The following CUX1 variants were observed in gnomAD, a reference collection of about 807,000 sequenced individuals.
The protein encoded by CUX1 is protein CASP.
CUX1 carries 31 observed loss-of-function variants against 158.8 expected under a neutral mutation model. The ratio of observed to expected loss-of-function variants is 0.20; its 90% confidence interval spans 0.15 to 0.26. The LOEUF is 0.26. Among genes scored for constraint, CUX1 ranks in the 10% least tolerant of loss-of-function variants. The pLI is 1.00. For missense variants in CUX1, 1,589 were observed against 2,014.6 expected (o/e 0.79, Z 4.04); for synonymous variants, 879 against 862.1 (o/e 1.02, Z -0.34).
chr7:101,829,723 C>T (rs767929008), intron 1 of CUX1, among the ~76,000 whole-genome samples: 30 of 152,000 alleles, frequency 2.0e-4, no homozygotes, highest in Non-Finnish European at 3.7e-4. Flanking sequence ...TTCTCAGGGA[C>T]GCCTGGCTGG....
chr7:102,057,914 T>C (rs867323570), intron 3 of CUX1, among the ~76,000 whole-genome samples: 3 of 152,206 alleles, frequency 2.0e-5, no homozygotes, highest in Non-Finnish European at 4.4e-5. Context: ...CAGCAATGCA[T>C]GATACACAGA....
chr7:102,273,346 A>T, intron 14 of CUX1: 5 of 1,609,318 alleles, frequency 3.1e-6, no homozygotes, highest in Non-Finnish European at 4.2e-6. Context: ...TCTGACGGCC[A>T]TGTCTTCCTT....
rs10655613 is a variant in CUX1, at chr7:102,034,145, CAAAAAAAAAAA to C, written c.189+6012_189+6022del. Among the ~76,000 whole-genome samples the C allele has an allele frequency of 3.7e-4, 18 of 48,618 alleles. No homozygotes were observed. The East Asian group carries it at 4.4e-3, about 12-fold the overall frequency. 31.9% of individuals were successfully genotyped at this position (48,618 alleles called of 152,430 possible). On this transcript the variant is annotated intron_variant, in intron 3 of 23. Coordinates refer to ENST00000292535, the MANE Select transcript of CUX1 (RefSeq NM_181552.4). ...CAGGTGACAGAGCGAGACTCCATCTCAAAAAAAAAAAAAAAAAAAAAAGTCAGTCTTATTAT... is the reference window on the plus strand; with the variant it reads ...CAGGTGACAGAGCGAGACTCCATCTCAAAAAAAAAAAGTCAGTCTTATTAT...
At chr7:102,093,746 C>T (rs1009141580) in intron 4 of CUX1, among the ~76,000 whole-genome samples, 43 of 152,186 alleles carry the variant, frequency 2.8e-4, no homozygotes, top group African/African-American at 1.0e-3. Flanking sequence ...TATAATACCT[C>T]CAAGATTGCT....
At chr7:101,927,150 A>T (rs1159910391) in intron 2 of CUX1, among the ~76,000 whole-genome samples, 4 of 12,550 alleles carry the variant, frequency 3.2e-4, no homozygotes, top group Admixed American at 2.0e-3. Flanking sequence ...TCAACACAAC[A>T]CACACACACA....
At chr7:101,888,753 C>G (rs1461036054) in intron 1 of CUX1, among the ~76,000 whole-genome samples, 2 of 151,990 alleles carry the variant, frequency 1.3e-5, no homozygotes, top group Non-Finnish European at 2.9e-5. Context: ...CTATACCCAG[C>G]TAATTTTTGT....
chr7:102,194,514 C>T (rs1249158577), intron 13 of CUX1, among the ~76,000 whole-genome samples: 1 of 151,678 alleles, frequency 6.6e-6, no homozygotes, highest in South Asian at 2.1e-4. Context: ...GCAGGAAGAT[C>T]GCTTGAGCCC....
Position 101,978,386 on chromosome 7 carries a change from CT to C in CUX1, c.142-49711del, listed in dbSNP as rs111969306. On this transcript the variant is annotated intron_variant, in intron 2 of 23. Transcript: ENST00000292535. ...GCTAAAACCTAGGTGTGCCCTGGGG[CT>C]CCCCCTCCTCTCCCCCGACATGCCT... 8.5e-5 allele frequency among the ~76,000 whole-genome samples: 13 copies of C among 152,256 alleles called. 1 individual carries two copies. Among genetic ancestry groups the C allele is most frequent in the African/African-American group, 2.4e-4 (10 of 41,552 alleles).
At chr7:101,963,209 G>C (rs550172742) in intron 2 of CUX1, among the ~76,000 whole-genome samples, 2 of 152,118 alleles carry the variant, frequency 1.3e-5, no homozygotes, top group African/African-American at 4.8e-5. Context: ...CCCCAGCACC[G>C]GTTTCAGTGC....
chr7:101,965,202 CA>C (rs1267388864), intron 2 of CUX1, among the ~76,000 whole-genome samples: 3 of 152,194 alleles, frequency 2.0e-5, no homozygotes, highest in Non-Finnish European at 2.9e-5. Context: ...CACCGCTTTG[CA>C]GTTTGTGACT....
At chr7:102,070,260 A>C in intron 3 of CUX1, 79 bp from the exon 4 acceptor site, 2 of 1,209,416 alleles carry the variant, frequency 1.7e-6, no homozygotes, top group South Asian at 2.6e-5. Context: ...AATTCACTAG[A>C]TGTGTAATGC....
intron 2 of CUX1, among the ~76,000 whole-genome samples, chr7:101,989,807 C>T (rs752433252): frequency 6.6e-6 from 1 of 152,180 alleles, no homozygotes; most frequent in South Asian, 2.1e-4. Flanking sequence ...TGGGCACATG[C>T]TAAGGTCAGC....
intron 1 of CUX1, among the ~76,000 whole-genome samples, chr7:101,837,359 G>A (rs933936821): frequency 1.3e-4 from 20 of 152,162 alleles, no homozygotes; most frequent in African/African-American, 4.8e-4. Context: ...GGTTCCATAC[G>A]TTACAGTGAA....
intron 2 of CUX1, among the ~76,000 whole-genome samples, chr7:101,920,129 T>A (rs1208574554): frequency 1.3e-5 from 2 of 149,580 alleles, no homozygotes; most frequent in East Asian, 3.9e-4. Context: ...TTTATGTGTT[T>A]TTTTTTTTTT....
intron 3 of CUX1, among the ~76,000 whole-genome samples, chr7:102,070,071 C>A (rs1289711022): frequency 6.6e-6 from 1 of 152,154 alleles, no homozygotes; most frequent in Non-Finnish European, 1.5e-5. Context: ...AGGAAGGGCA[C>A]GCCAGACCAT....
intron 1 of CUX1, among the ~76,000 whole-genome samples, chr7:101,850,421 C>CTTTTTTTT (rs545679696): frequency 5.3e-4 from 55 of 104,600 alleles, no homozygotes; most frequent in Non-Finnish European, 7.3e-4. Context: ...TTCTTTCTTT[C>CTTTTTTTT]TTTTTTTTTT....
intron 1 of CUX1, among the ~76,000 whole-genome samples, chr7:101,860,172 C>T (rs762534160): frequency 6.6e-6 from 1 of 152,020 alleles, no homozygotes; most frequent in Admixed American, 6.6e-5. Context: ...GATGCATTGT[C>T]GCTGTTTGGT....
chr7:101,989,913 G>A (rs1242700908), intron 2 of CUX1, among the ~76,000 whole-genome samples: 1 of 152,366 alleles, frequency 6.6e-6, no homozygotes, highest in Non-Finnish European at 1.5e-5. Context: ...TGTGGGCATC[G>A]CTTGCACGCA....
At chr7:102,083,155 C>T (rs549234617) in intron 4 of CUX1, among the ~76,000 whole-genome samples, 35 of 147,290 alleles carry the variant, frequency 2.4e-4, no homozygotes, top group Admixed American at 6.2e-4. Flanking sequence ...TCTGTTTCAT[C>T]GGTTATTTTC....
Sources: gnomAD v4.1 joint callset for allele counts (sites outside exome capture counted in the v4.1 genomes callset) on GRCh38, gnomAD v4.1.1 for gene constraint, MANE v1.5 for transcripts, NCBI Gene and HGNC (gene_info 2026-07-23, HGNC 2026-07-21) for gene names.